The following YWHAG variants were observed in gnomAD, a reference collection of about 807,000 sequenced individuals.
YWHAG encodes tyrosine 3-monooxygenase/tryptophan 5-monooxygenase activation protein gamma, also known as 14-3-3 protein gamma.
YWHAG carries 1 observed loss-of-function variant against 23.3 expected under a neutral mutation model. The ratio of observed to expected loss-of-function variants is 0.04; its 90% CI spans 0.02 to 0.20. The LOEUF (loss-of-function observed/expected upper bound fraction) is 0.20. YWHAG is among the 10% of genes least tolerant of loss of function. The pLI is 1.00. For synonymous variants in YWHAG, 160 were observed against 144.0 expected (o/e 1.11, Z -0.80); for missense variants, 151 against 338.6 (o/e 0.45, Z 4.35).
chr7:76,351,833 A>C (rs373377312), intron 1 of YWHAG, among the ~76,000 whole-genome samples: 2 of 152,214 alleles, frequency 1.3e-5, no homozygotes, highest in Non-Finnish European at 2.9e-5. Context: ...TAGCAATAAT[A>C]AAGTGCACAA....
intron 1 of YWHAG, among the ~76,000 whole-genome samples, chr7:76,355,058 T>C (rs907178664): frequency 5.3e-5 from 8 of 152,218 alleles, no homozygotes; most frequent in Non-Finnish European, 8.8e-5. Flanking sequence ...GAATAGGTGC[T>C]GAATTCCAGC....
At chr7:76,340,274 T>A (rs1803673327) in intron 1 of YWHAG, among the ~76,000 whole-genome samples, 1 of 152,252 alleles carries the variant, frequency 6.6e-6, no homozygotes, top group Non-Finnish European at 1.5e-5. Context: ...TAACCTATGG[T>A]TTCCAAATAT....
At chr7:76,335,817 GT>G (rs1803607334) in intron 1 of YWHAG, among the ~76,000 whole-genome samples, 1 of 152,156 alleles carries the variant, frequency 6.6e-6, no homozygotes, top group South Asian at 2.1e-4. Context: ...TGGGTGTGGT[GT>G]GCATGCCTGT....
intron 1 of YWHAG, among the ~76,000 whole-genome samples, chr7:76,355,720 G>A (rs566389934): frequency 3.9e-5 from 6 of 152,244 alleles, no homozygotes; most frequent in African/African-American, 1.4e-4. Flanking sequence ...AATTATGATA[G>A]CCTTTTGCCA....
rs1048147871 is a variant in YWHAG at position 76,355,634 on chromosome 7, G to C, written c.87+3088C>G. ...AGCTATTGATCTCCTGGAAGAGCCT[G>C]GGGGGGAGGGGGAATGGAATATTTA... On this transcript the variant is annotated intron_variant, in intron 1 of 1. Transcript: ENST00000307630. Among the ~76,000 whole-genome samples the C allele has an allele frequency of 6.6e-5, 10 of 152,102 alleles. No individual in the cohort carries two copies. In the South Asian group the frequency reaches 2.1e-3, roughly 32 times the overall value.
At chr7:76,342,094 CTT>C (rs1188375749) in intron 1 of YWHAG, among the ~76,000 whole-genome samples, 2 of 152,152 alleles carry the variant, frequency 1.3e-5, no homozygotes, top group Non-Finnish European at 2.9e-5. Context: ...TAATCCTCCT[CTT>C]GTGACCTCCT....
intron 1 of YWHAG, among the ~76,000 whole-genome samples, chr7:76,348,421 AT>A (rs35576700): frequency 0.2 from 26,233 of 130,898 alleles, 2,292 homozygotes; most frequent in East Asian, 0.31. Context: ...ATGCCCGCTA[AT>A]TTTTTTTTTT....
rs1262378292 is a variant in YWHAG, at chr7:76,334,883, A to G, written c.88-4650T>C. On this transcript the variant is annotated intron_variant, in intron 1 of 1. Coordinates refer to ENST00000307630, the MANE Select transcript of YWHAG (RefSeq NM_012479.4). The stretch of plus-strand genomic sequence containing the variant: ...TCAGCCTCCCATCACACCCTGGTTA[A>G]TAAATTGTTTCTACGAATGCAACAC... 4.6e-5 allele frequency among the ~76,000 whole-genome samples: 7 copies of G among 151,908 alleles called. No homozygotes were observed. The East Asian group carries it at 5.8e-4, about 13-fold the overall frequency.
intron 1 of YWHAG, among the ~76,000 whole-genome samples, chr7:76,355,359 T>C (rs1040767938): frequency 6.6e-6 from 1 of 152,232 alleles, no homozygotes; most frequent in Non-Finnish European, 1.5e-5. Context: ...GCAATGAGGA[T>C]GAACATTTAG....
intron 1 of YWHAG, among the ~76,000 whole-genome samples, chr7:76,331,577 T>C: frequency 6.6e-6 from 1 of 151,188 alleles, no homozygotes; most frequent in East Asian, 1.9e-4. Context: ...GCTCATCAAC[T>C]ATTGTTAGTG....
At chr7:76,346,861 T>C (rs1471867965) in intron 1 of YWHAG, among the ~76,000 whole-genome samples, 1 of 152,062 alleles carries the variant, frequency 6.6e-6, no homozygotes, top group African/African-American at 2.4e-5. Flanking sequence ...TCGTGAACTG[T>C]TTCCTGTTAA....
intron 1 of YWHAG, among the ~76,000 whole-genome samples, chr7:76,342,027 T>A (rs1413456578): frequency 6.6e-6 from 1 of 152,198 alleles, no homozygotes; most frequent in African/African-American, 2.4e-5. Context: ...TCTTAATACA[T>A]GGACTTACAC....
intron 1 of YWHAG, among the ~76,000 whole-genome samples, chr7:76,336,019 C>T (rs1456877751): frequency 1.3e-5 from 2 of 152,244 alleles, no homozygotes; most frequent in East Asian, 1.9e-4. Flanking sequence ...AATAACTCCT[C>T]GGGGCTCAAG....
In YWHAG at chr7:76,329,838, G is replaced by A; in HGVS notation, c.483C>T (p.Ser161=). The change falls in exon 2 of 2, where the codon AGC becomes AGT. Residue 161 remains serine, a synonymous_variant. Transcript: ENST00000307630. This position sits in a 1 kb window ranked among gnomAD's most constrained non-coding sequence, Gnocchi z 6.1. ...GGTGGGTGGGCTGCATGTGCTCTTT[G>A]CTGATCTCGTGGGCTTCGCTGTAGG... ...EKAYSEAHEI[S]KEHMQPTHPI... The A allele has an allele frequency of 6.2e-7, 1 of 1,614,044 alleles. No homozygotes were observed. The highest frequency in any genetic ancestry group is 8.5e-7 in the Non-Finnish European group (1 of 1,179,990).
rs77798098 is a variant in YWHAG, at chr7:76,337,895, T to C, written c.88-7662A>G. Among the ~76,000 whole-genome samples, 1,204 of 152,254 alleles carry C rather than the reference T, an allele frequency of 7.9e-3. 19 individuals are homozygous for C. The highest frequency in any genetic ancestry group is 0.027 in the African/African-American group (1,131 of 41,558). The stretch of plus-strand genomic sequence containing the variant: ...AAAAAACTGCAGCCATGAGTACAAG[T>C]ATTTGCTGAGTCCCAGTACATCACC... On this transcript the variant is annotated intron_variant, in intron 1 of 1. Coordinates refer to ENST00000307630, the MANE Select transcript of YWHAG (RefSeq NM_012479.4).
chr7:76,353,705 C>CA (rs1803906797), intron 1 of YWHAG, among the ~76,000 whole-genome samples: 2 of 152,056 alleles, frequency 1.3e-5, no homozygotes, highest in African/African-American at 2.4e-5. Flanking sequence ...AAAAATAATT[C>CA]TGAGAGGAGA....
intron 1 of YWHAG, among the ~76,000 whole-genome samples, chr7:76,348,508 A>G (rs1803821134): frequency 6.8e-6 from 1 of 146,630 alleles, no homozygotes; most frequent in Non-Finnish European, 1.5e-5. Flanking sequence ...GGTTCACGCC[A>G]TTCTCCTGCC....
chr7:76,335,801 A>C (rs1803607128), intron 1 of YWHAG, among the ~76,000 whole-genome samples: 1 of 152,192 alleles, frequency 6.6e-6, no homozygotes. Context: ...AAATACAAAA[A>C]TGAGCTGGGT....
At chr7:76,331,679 A>C (rs1803544561) in intron 1 of YWHAG, among the ~76,000 whole-genome samples, 1 of 152,046 alleles carries the variant, frequency 6.6e-6, no homozygotes, top group Non-Finnish European at 1.5e-5. Flanking sequence ...GCATGGGGGA[A>C]CTGAACTACC....
Sources: allele counts gnomAD v4.1 joint callset (sites outside exome capture counted in the v4.1 genomes callset), GRCh38; gene constraint gnomAD v4.1.1; non-coding constraint Gnocchi (gnomAD v3.1); transcripts MANE v1.5; gene names NCBI Gene and HGNC (gene_info 2026-07-23, HGNC 2026-07-21).